GRIK1: variants seen among roughly 807,000 people sequenced by gnomAD.
GRIK1 encodes glutamate receptor ionotropic, kainate 1.
A neutral mutation model predicts 105.7 loss-of-function variants in GRIK1; 69 were observed. The observed-to-expected ratio is 0.65, with a 90% CI of 0.54 to 0.80. The LOEUF is 0.80. GRIK1 is among the 30% of genes least tolerant of loss of function. GRIK1 has a pLI of 0.00. For missense variants in GRIK1, 1,109 were observed against 1,167.3 expected (o/e 0.95, Z 0.73); for synonymous variants, 438 against 431.3 (o/e 1.02, Z -0.19).
intron 4 of GRIK1, among the ~76,000 whole-genome samples, chr21:29,666,333 G>A (rs2063058454): frequency 2.0e-5 from 3 of 152,158 alleles, no homozygotes; most frequent in African/African-American, 7.2e-5. Flanking sequence ...AACCTGGGAG[G>A]TGGAGGTTGC....
intron 1 of GRIK1, among the ~76,000 whole-genome samples, chr21:29,802,114 A>G (rs1340318099): frequency 6.6e-6 from 1 of 152,210 alleles, no homozygotes; most frequent in Non-Finnish European, 1.5e-5. Flanking sequence ...TGCCAGACAC[A>G]TGGAAGGCAC....
At chr21:29,849,753 T>C (rs1391277499) in intron 1 of GRIK1, among the ~76,000 whole-genome samples, 2 of 152,122 alleles carry the variant, frequency 1.3e-5, no homozygotes, top group Non-Finnish European at 2.9e-5. Context: ...CCGGTAAGGG[T>C]TCTTAAAAGC....
chr21:29,598,668 A>G (rs1010894194), intron 8 of GRIK1, 162 bp downstream of exon 8: 1 of 525,416 alleles, frequency 1.9e-6, no homozygotes, highest in Admixed American at 3.6e-5. Flanking sequence ...CTAGCACATC[A>G]ACTTCTATCT....
rs557979519 is a variant in GRIK1, at chr21:29,578,049, C to T, written c.1913-868G>A. On this transcript the variant is annotated intron_variant, in intron 13 of 17. Transcript: ENST00000327783. ...TCATAAAAGACAAACATCTTGAAAA[C>T]GGTCTAGTTCAATTTTGCTCAAACT... 7.2e-5 allele frequency among the ~76,000 whole-genome samples: 11 copies of T among 152,210 alleles called. No homozygotes were observed. The South Asian group carries it at 8.3e-4, about 11-fold the overall frequency.
chr21:29,642,867 G>A lies in GRIK1; in HGVS notation c.1057C>T (p.Pro353Ser), dbSNP rs768882503. The stretch of plus-strand genomic sequence containing the variant: ...ATAAATCTGGGTCCGAGGCGCCATG[G>A]CTTATGTCTATGGCACTGCAGGGAG... ...VSSLQCHRHK[P>S]WRLGPRFMNL... is the part of the protein sequence containing the mutation. The change falls in exon 7 of 18, where the codon CCA (proline) becomes TCA (serine). Residue 353 changes from proline (P) to serine (S), a missense_variant. Transcript: ENST00000327783. 2.5e-6 allele frequency: 4 copies of A among 1,614,082 alleles called. No individual in the cohort carries two copies. The East Asian group carries it at 8.9e-5, about 36-fold the overall frequency.
At chr21:29,858,484 C>A (rs73343774) in intron 1 of GRIK1, among the ~76,000 whole-genome samples, 3 of 152,102 alleles carry the variant, frequency 2.0e-5, no homozygotes, top group African/African-American at 7.2e-5. Flanking sequence ...GACTCCCCGG[C>A]GGCTGTTCCT....
chr21:29,783,393 G>A (rs1054604516), intron 1 of GRIK1, among the ~76,000 whole-genome samples: 15 of 151,984 alleles, frequency 9.9e-5, no homozygotes, highest in African/African-American at 3.4e-4. Flanking sequence ...TATTTTGCAG[G>A]TTTTTTTGTT....
At chr21:29,551,567 T>C (rs975336595) in intron 16 of GRIK1, among the ~76,000 whole-genome samples, 6 of 152,224 alleles carry the variant, frequency 3.9e-5, no homozygotes, top group African/African-American at 1.4e-4. Flanking sequence ...TGAAAACATT[T>C]TGAAAACTAT....
At chr21:29,735,753 C>T (rs575503310) in intron 1 of GRIK1, among the ~76,000 whole-genome samples, 39 of 151,150 alleles carry the variant, frequency 2.6e-4, no homozygotes, top group African/African-American at 8.3e-4. Context: ...AAAAATTAGC[C>T]GGGCATGGTA....
chr21:29,680,588 G>A (rs55691935), intron 3 of GRIK1, among the ~76,000 whole-genome samples: 6,638 of 152,250 alleles, frequency 0.044, 211 homozygotes, highest in Non-Finnish European at 0.067. Flanking sequence ...ACGGTCAGTC[G>A]TGGTGTAAAA....
chr21:29,612,339 A>G (rs363448), intron 7 of GRIK1, among the ~76,000 whole-genome samples: 2,822 of 152,192 alleles, frequency 0.019, 76 homozygotes, highest in African/African-American at 0.064. Flanking sequence ...GGACGGTTTT[A>G]CCTTCTAGGA....
intron 7 of GRIK1, among the ~76,000 whole-genome samples, chr21:29,615,116 G>T (rs1434646002): frequency 6.6e-6 from 1 of 151,538 alleles, no homozygotes; most frequent in East Asian, 1.9e-4. Context: ...AACCCTTTTG[G>T]ATGGAATGCA....
At chr21:29,690,248 A>T (rs1384993958) in intron 2 of GRIK1, among the ~76,000 whole-genome samples, 1 of 152,192 alleles carries the variant, frequency 6.6e-6, no homozygotes, top group Non-Finnish European at 1.5e-5. Flanking sequence ...TGCTGGTCTC[A>T]CTTTATTACC....
rs1840405765 is a variant in GRIK1, at chr21:29,900,459, CAAG to C, written c.118+38921_118+38923del. On this transcript the variant is annotated intron_variant, in intron 1 of 17. Coordinates refer to ENST00000327783, the MANE Select transcript of GRIK1 (RefSeq NM_001330994.2). Reference sequence around the variant, plus strand: ...GAAGATCTACCAAACAAATGGAAAGCAAGAAAAAAAAAAAAAAAAAGCAAGGGT... The same window carrying C: ...GAAGATCTACCAAACAAATGGAAAGCAAAAAAAAAAAAAAAAAGCAAGGGT... Among the ~76,000 whole-genome samples the C allele has an allele frequency of 8.9e-5, 7 of 78,326 alleles. 1 individual carries two copies. The South Asian group carries it at 1.4e-3, about 15-fold the overall frequency. The allele number at this position is 78,326 out of a possible 152,430, so 51.4% of individuals were successfully genotyped here.
At chr21:29,812,489 A>G (rs553401329) in intron 1 of GRIK1, among the ~76,000 whole-genome samples, 3 of 152,214 alleles carry the variant, frequency 2.0e-5, no homozygotes, top group African/African-American at 7.2e-5. Context: ...TTTGAATTTC[A>G]CTGGTAATGA....
intron 1 of GRIK1, among the ~76,000 whole-genome samples, chr21:29,788,180 A>G (rs150575708): frequency 1.8e-3 from 277 of 152,338 alleles, no homozygotes; most frequent in African/African-American, 6.3e-3. Flanking sequence ...TTCCAAATCT[A>G]TACAACATGT....
chr21:29,650,776 T>TA (rs1463645275), intron 6 of GRIK1, among the ~76,000 whole-genome samples: 1 of 152,166 alleles, frequency 6.6e-6, no homozygotes, highest in Non-Finnish European at 1.5e-5. Flanking sequence ...AACTCACAGG[T>TA]AGGTTGTTCC....
intron 7 of GRIK1, among the ~76,000 whole-genome samples, chr21:29,619,919 G>A (rs1157856536): frequency 6.6e-6 from 1 of 152,168 alleles, no homozygotes; most frequent in Non-Finnish European, 1.5e-5. Flanking sequence ...CTACAGTGCA[G>A]GAATGTTGTG....
At chr21:29,866,196 G>A (rs1312963961) in intron 1 of GRIK1, among the ~76,000 whole-genome samples, 1 of 152,010 alleles carries the variant, frequency 6.6e-6, no homozygotes, top group Non-Finnish European at 1.5e-5. Flanking sequence ...CTCTGGAGTA[G>A]CTGGGACTAG....
Sources: allele counts gnomAD v4.1 joint callset (sites outside exome capture counted in the v4.1 genomes callset), GRCh38; gene constraint gnomAD v4.1.1; transcripts MANE v1.5; gene names NCBI Gene and HGNC (gene_info 2026-07-23, HGNC 2026-07-21).